FAM83B: variants seen among roughly 807,000 people sequenced by gnomAD.
FAM83B encodes the protein protein FAM83B.
FAM83B carries 26 observed loss-of-function variants against 38.8 expected under a neutral mutation model. The ratio of observed to expected loss-of-function variants is 0.67; its 90% CI spans 0.49 to 0.93. The LOEUF (loss-of-function observed/expected upper bound fraction) is 0.93. Ranked by LOEUF, FAM83B falls within the 40% of genes least tolerant of loss-of-function variation. The pLI, the probability that FAM83B is intolerant of heterozygous loss-of-function variation, is 0.00. For synonymous variants in FAM83B, 419 were observed against 423.1 expected, an observed-to-expected ratio of 0.99 and a Z score of 0.12; for missense variants, 1,237 against 1,197.3, an observed-to-expected ratio of 1.03 and a Z score of -0.49.
intron 2 of FAM83B, among the ~76,000 whole-genome samples, chr6:54,910,555 C>A (rs1469063362): frequency 6.6e-6 from 1 of 152,188 alleles, no homozygotes; most frequent in Admixed American, 6.5e-5. Flanking sequence ...GAGTAGAACA[C>A]TAGAGCGGGG....
chr6:54,944,639 G>A lies in FAM83B; in HGVS notation c.*2632G>A, dbSNP rs1177173626. ...TAAATAATGCAAAAAGTTTAATTCT[G>A]GATGAATTCAGCTTTACTCAAGATC... is the stretch of plus-strand genomic sequence containing the variant. On this transcript the variant is annotated 3_prime_UTR_variant, in exon 5 of 5. Coordinates refer to ENST00000306858, the MANE Select transcript of FAM83B (RefSeq NM_001010872.3). 6.6e-6 allele frequency: 1 copy of A among 151,964 alleles called. No individual in the cohort carries two copies. The highest frequency in any genetic ancestry group is 1.5e-5 in the Non-Finnish European group (1 of 67,994). The allele number at this position is 151,964 out of a possible 1,614,324, so 9.4% of individuals were successfully genotyped here.
At chr6:54,910,428 A>G (rs777959656) in intron 2 of FAM83B, among the ~76,000 whole-genome samples, 19 of 152,048 alleles carry the variant, frequency 1.2e-4, no homozygotes, top group Admixed American at 7.9e-4. Context: ...TCTATTTTCC[A>G]TGCTTCTCTG....
chr6:54,932,587 T>C (rs1304151164), intron 4 of FAM83B, among the ~76,000 whole-genome samples: 1 of 152,204 alleles, frequency 6.6e-6, no homozygotes, highest in Non-Finnish European at 1.5e-5. Context: ...TCATAAGGCT[T>C]TGTGTTGCTC....
At chr6:54,925,126 T>A (rs1773258794) in intron 2 of FAM83B, among the ~76,000 whole-genome samples, 1 of 152,156 alleles carries the variant, frequency 6.6e-6, no homozygotes, top group Non-Finnish European at 1.5e-5. Context: ...CCTGCAACAG[T>A]CTTCTTGAAG....
At chr6:54,920,184 A>C (rs1211757493) in intron 2 of FAM83B, among the ~76,000 whole-genome samples, 1 of 151,764 alleles carries the variant, frequency 6.6e-6, no homozygotes, top group Non-Finnish European at 1.5e-5. Flanking sequence ...TTTTTTCTGA[A>C]ATCATTTAGC....
rs1442324674 is a variant in FAM83B, at chr6:54,874,855, A to T, written c.444+4165A>T. Among the ~76,000 whole-genome samples the T allele has an allele frequency of 3.9e-5, 6 of 152,122 alleles. No individual in the cohort carries two copies. In the South Asian group the frequency reaches 1.2e-3, roughly 32 times the overall value. On this transcript the variant is annotated intron_variant, in intron 2 of 4. Transcript: ENST00000306858. ...GATGCGCTCTATACCACATTACCTGAGTTCAGGGCTTGGTTCTTTACTGAG... is the reference window on the plus strand; with the variant it reads ...GATGCGCTCTATACCACATTACCTGTGTTCAGGGCTTGGTTCTTTACTGAG...
chr6:54,849,200 C>T (rs920391284), intron 1 of FAM83B, among the ~76,000 whole-genome samples: 6 of 152,206 alleles, frequency 3.9e-5, no homozygotes, highest in Non-Finnish European at 7.3e-5. Flanking sequence ...CACTTAAACT[C>T]CATCAAGAAT....
intron 1 of FAM83B, among the ~76,000 whole-genome samples, chr6:54,867,977 G>T (rs559743497): frequency 7.9e-5 from 12 of 152,114 alleles, no homozygotes; most frequent in Admixed American, 5.9e-4. Context: ...CCAGATACTT[G>T]TTCCTTCATT....
chr6:54,886,284 T>C (rs1772271646), intron 2 of FAM83B, among the ~76,000 whole-genome samples: 1 of 150,338 alleles, frequency 6.7e-6, no homozygotes, highest in Admixed American at 6.8e-5. Context: ...AGTATCAAGG[T>C]TATGCTGCCC....
At position 54,942,017 on chromosome 6, in the gene FAM83B, T is replaced by C. The variant is rs1399357962; in HGVS notation, c.*10T>C. 4 of 1,581,922 alleles carry C rather than the reference T, an allele frequency of 2.5e-6. No individual in the cohort carries two copies. The highest frequency in any genetic ancestry group is 3.4e-6 in the Non-Finnish European group (4 of 1,166,162). On this transcript the variant is annotated 3_prime_UTR_variant, in exon 5 of 5. Coordinates refer to ENST00000306858, the MANE Select transcript of FAM83B (RefSeq NM_001010872.3). Reference sequence around the variant, plus strand: ...ACACAAAAATAAATAGCTATTAAAATGCAAAATGAATGAGGCTATCAATAT... The same window carrying C: ...ACACAAAAATAAATAGCTATTAAAACGCAAAATGAATGAGGCTATCAATAT...
intron 2 of FAM83B, among the ~76,000 whole-genome samples, chr6:54,883,741 C>CAA: frequency 6.7e-6 from 1 of 150,210 alleles, no homozygotes; most frequent in Admixed American, 6.6e-5. Context: ...TTTTCTATAG[C>CAA]TTAGTTGTTC....
At chr6:54,890,297 T>A (rs1317642312) in intron 2 of FAM83B, among the ~76,000 whole-genome samples, 4 of 152,152 alleles carry the variant, frequency 2.6e-5, no homozygotes, top group Non-Finnish European at 5.9e-5. Flanking sequence ...ACAACCCAAG[T>A]TGAAAAATTG....
chr6:54,916,459 C>T (rs1394197491), intron 2 of FAM83B, among the ~76,000 whole-genome samples: 2 of 152,092 alleles, frequency 1.3e-5, no homozygotes, highest in African/African-American at 4.8e-5. Flanking sequence ...TTCACACGCT[C>T]GTATTGACTA....
intron 2 of FAM83B, among the ~76,000 whole-genome samples, chr6:54,909,397 G>T (rs1772853190): frequency 6.6e-6 from 1 of 152,056 alleles, no homozygotes; most frequent in South Asian, 2.1e-4. Context: ...TGCGGTTCTT[G>T]CCATTACTTT....
chr6:54,936,447 C>G (rs969025419), intron 4 of FAM83B, among the ~76,000 whole-genome samples: 1 of 151,956 alleles, frequency 6.6e-6, no homozygotes, highest in Admixed American at 6.6e-5. Flanking sequence ...ACTTTTAAGT[C>G]TGTACTACAA....
chr6:54,854,316 TTTA>T (rs1253347878), intron 1 of FAM83B, among the ~76,000 whole-genome samples: 4 of 152,206 alleles, frequency 2.6e-5, no homozygotes, highest in African/African-American at 9.6e-5. Context: ...TGAAAGAAGT[TTTA>T]CCATATGTAA....
At chr6:54,922,064 T>A (rs1773184715) in intron 2 of FAM83B, among the ~76,000 whole-genome samples, 1 of 152,058 alleles carries the variant, frequency 6.6e-6, no homozygotes, top group Non-Finnish European at 1.5e-5. Context: ...TCTAGTCTTC[T>A]GGATGCTGAT....
In FAM83B at chr6:54,941,229, A is replaced by C; in HGVS notation, c.2258A>C (p.Lys753Thr). ...GATGTGAATAAAGAGGAATCTAACA[A>C]AGAACTTGCTTCAAAGAAGGAAGTT... ...LLDVNKEESN[K>T]ELASKKEVKG... The change falls in exon 5 of 5, where the codon AAA (lysine) becomes ACA (threonine). Residue 753 changes from lysine to threonine, a missense_variant. Lys to Thr is a moderately conservative substitution (Grantham distance 78). Transcript: ENST00000306858. The C allele has an allele frequency of 6.2e-7, 1 of 1,613,542 alleles. No individual in the cohort carries two copies. The highest frequency in any genetic ancestry group is 8.5e-7 in the Non-Finnish European group (1 of 1,179,838).
rs1299378715 is a variant in FAM83B at position 54,941,255 on chromosome 6, A to G, written c.2284A>G (p.Lys762Glu). 1 of 1,612,766 alleles carries G rather than the reference A, an allele frequency of 6.2e-7. No individual in the cohort carries two copies. Among genetic ancestry groups the G allele is most frequent in the South Asian group, 1.1e-5 (1 of 90,700 alleles). The part of the protein sequence containing the change: ...NKELASKKEV[K>E]GSPSFLKKGS... The stretch of plus-strand genomic sequence containing the variant: ...AGAACTTGCTTCAAAGAAGGAAGTT[A>G]AGGGTTCCCCAAGTTTTTTGAAAAA... The change falls in exon 5 of 5, where the codon AAG (lysine) becomes GAG (glutamate). Residue 762 changes from lysine (K) to glutamate (E), a missense_variant. Physicochemically the swap from Lys to Glu is moderately conservative, Grantham distance 56. Coordinates refer to ENST00000306858, the MANE Select transcript of FAM83B (RefSeq NM_001010872.3).
Sources: allele counts gnomAD v4.1 joint callset (sites outside exome capture counted in the v4.1 genomes callset), GRCh38; gene constraint gnomAD v4.1.1; transcripts MANE v1.5; gene names NCBI Gene and HGNC (gene_info 2026-07-23, HGNC 2026-07-21).